The following PAPPA variants were observed in gnomAD, a reference collection of about 807,000 sequenced individuals.
The protein encoded by PAPPA is pappalysin-1.
A neutral mutation model predicts 164.0 loss-of-function variants in PAPPA; 60 were observed. The ratio of observed to expected loss-of-function variants is 0.37; its 90% CI spans 0.30 to 0.45. The LOEUF is 0.45. PAPPA is among the 20% of genes least tolerant of loss of function. The pLI is 1.00. For synonymous variants in PAPPA, 875 were observed against 814.1 expected, an observed-to-expected ratio of 1.07 and a Z score of -1.27; for missense variants, 1,782 against 2,087.3, an observed-to-expected ratio of 0.85 and a Z score of 2.85.
At chr9:116,238,600 C>T (rs529937180) in intron 7 of PAPPA, among the ~76,000 whole-genome samples, 26 of 152,318 alleles carry the variant, frequency 1.7e-4, no homozygotes, top group Admixed American at 4.6e-4. Flanking sequence ...TGTGCCAAAT[C>T]ATCAGTAGTG....
intron 9 of PAPPA, among the ~76,000 whole-genome samples, chr9:116,274,917 A>G (rs910103087): frequency 7.2e-5 from 11 of 152,112 alleles, no homozygotes; most frequent in African/African-American, 1.2e-4. Flanking sequence ...TACTGTAGAC[A>G]CCATTTTGCT....
At chr9:116,241,985 G>GA (rs1196741577) in intron 7 of PAPPA, among the ~76,000 whole-genome samples, 1 of 151,880 alleles carries the variant, frequency 6.6e-6, no homozygotes, top group Non-Finnish European at 1.5e-5. Context: ...ATCAACTAGT[G>GA]AAAATCTAAT....
At chr9:116,375,730 G>T (rs1294282399) in intron 19 of PAPPA, among the ~76,000 whole-genome samples, 1 of 152,086 alleles carries the variant, frequency 6.6e-6, no homozygotes, top group Admixed American at 6.5e-5. Flanking sequence ...TTACAATTTG[G>T]CTACCATATA....
intron 6 of PAPPA, among the ~76,000 whole-genome samples, chr9:116,229,439 T>C (rs1233257813): frequency 6.6e-6 from 1 of 152,252 alleles, no homozygotes; most frequent in African/African-American, 2.4e-5. Flanking sequence ...CACACTCTTC[T>C]GTATTCTTGA....
rs1048318281 is a variant in PAPPA, at chr9:116,220,299, A to G, written c.2111+170A>G. ...AAATTTGGGATCAGGGAATAAATAA[A>G]TGGTCATTAATAGAAACAAATAAAT... On this transcript the variant is annotated intron_variant, in intron 5 of 21. Coordinates refer to ENST00000328252, the MANE Select transcript of PAPPA (RefSeq NM_002581.5). 5.8e-4 allele frequency among the ~76,000 whole-genome samples: 88 copies of G among 152,276 alleles called. 1 individual carries two copies. Among genetic ancestry groups the G allele is most frequent in the African/African-American group, 2.1e-3 (86 of 41,574 alleles).
At chr9:116,176,707 G>A (rs1010815013) in intron 1 of PAPPA, among the ~76,000 whole-genome samples, 4 of 152,142 alleles carry the variant, frequency 2.6e-5, no homozygotes, top group African/African-American at 9.7e-5. Flanking sequence ...CATTCAATTA[G>A]AGTCTGTTGA....
chr9:116,215,070 A>G (rs892606206), intron 4 of PAPPA, among the ~76,000 whole-genome samples: 2 of 152,238 alleles, frequency 1.3e-5, no homozygotes, highest in African/African-American at 4.8e-5. Context: ...GTGAACTGCA[A>G]GGTATTCATG....
chr9:116,334,256 A>C (rs1299454473), intron 12 of PAPPA, among the ~76,000 whole-genome samples: 3 of 151,246 alleles, frequency 2.0e-5, no homozygotes, highest in Admixed American at 6.6e-5. Context: ...AAAAAAAAAA[A>C]AAAACAGGGC....
At chr9:116,374,916 A>G (rs1246850311) in intron 19 of PAPPA, among the ~76,000 whole-genome samples, 1 of 152,238 alleles carries the variant, frequency 6.6e-6, no homozygotes, top group African/African-American at 2.4e-5. Context: ...AGAAAGGAAT[A>G]CTGAAACAAC....
rs1035115646 is a variant in PAPPA, at chr9:116,396,357, A to G, written c.4777-152A>G. 110 of 676,492 alleles carry G rather than the reference A, an allele frequency of 1.6e-4. 1 individual carries two copies. The highest frequency in any genetic ancestry group is 1.2e-4 in the Non-Finnish European group (44 of 377,268). The allele number at this position is 676,492 out of a possible 1,614,324, so 41.9% of individuals were successfully genotyped here. A position where few individuals can be genotyped will look rare whatever the true frequency, so the allele number is the denominator to read the frequency against. On this transcript the variant is annotated intron_variant, in intron 21 of 21. Transcript: ENST00000328252. ...GATTATGATCATGGTGTGCTCGATA[A>G]AAGTTATCACCAGGATAGCAAGAAG...
At chr9:116,191,069 G>C (rs1844037230) in intron 2 of PAPPA, among the ~76,000 whole-genome samples, 2 of 151,998 alleles carry the variant, frequency 1.3e-5, no homozygotes, top group African/African-American at 4.8e-5. Flanking sequence ...AGATAGGGAG[G>C]GTGGGAGAGT....
chr9:116,393,209 T>C (rs2118731465), intron 21 of PAPPA, among the ~76,000 whole-genome samples: 1 of 152,330 alleles, frequency 6.6e-6, no homozygotes, highest in South Asian at 2.1e-4. Context: ...AGAAATTCTA[T>C]GTTTCAAGTT....
chr9:116,273,058 AACACTAGTCCCAG>A (rs955326890), intron 9 of PAPPA, among the ~76,000 whole-genome samples: 10 of 152,198 alleles, frequency 6.6e-5, no homozygotes, highest in Non-Finnish European at 1.3e-4. Context: ...TATGGCAACC[AACACTAGTCCCAG>A]ACCATGCTGA....
chr9:116,308,416 C>T (rs534985695), intron 10 of PAPPA, among the ~76,000 whole-genome samples: 1 of 152,362 alleles, frequency 6.6e-6, no homozygotes, highest in Non-Finnish European at 1.5e-5. Flanking sequence ...TTCTTCCAGG[C>T]TTTCCACCAA....
At chr9:116,258,326 C>T (rs963835205) in intron 7 of PAPPA, among the ~76,000 whole-genome samples, 8 of 151,952 alleles carry the variant, frequency 5.3e-5, no homozygotes, top group Non-Finnish European at 7.4e-5. Context: ...CTGTGGAAAT[C>T]GCTATAGACT....
intron 13 of PAPPA, among the ~76,000 whole-genome samples, chr9:116,340,259 G>C (rs1846118865): frequency 1.3e-5 from 2 of 152,144 alleles, no homozygotes; most frequent in South Asian, 4.1e-4. Context: ...TTGTGTTTCA[G>C]AAATGACAGG....
intron 19 of PAPPA, among the ~76,000 whole-genome samples, chr9:116,370,007 TGA>T (rs896698958): frequency 1.3e-5 from 2 of 152,094 alleles, no homozygotes; most frequent in Admixed American, 1.3e-4. Flanking sequence ...CCTTGTGCGG[TGA>T]GAGCTACAGA....
intron 3 of PAPPA, among the ~76,000 whole-genome samples, chr9:116,208,835 T>C (rs1164251372): frequency 6.6e-6 from 1 of 152,146 alleles, no homozygotes; most frequent in Non-Finnish European, 1.5e-5. Flanking sequence ...TGTGTGTGTG[T>C]GTGTGTGCGT....
intron 6 of PAPPA, among the ~76,000 whole-genome samples, chr9:116,231,202 A>G (rs1416153811): frequency 2.0e-5 from 3 of 152,216 alleles, no homozygotes; most frequent in African/African-American, 7.2e-5. Flanking sequence ...GACAGTTTAT[A>G]TAAACATGTA....
Sources: allele counts gnomAD v4.1 joint callset (sites outside exome capture counted in the v4.1 genomes callset), GRCh38; gene constraint gnomAD v4.1.1; transcripts MANE v1.5; gene names NCBI Gene and HGNC (gene_info 2026-07-23, HGNC 2026-07-21).